The following MAPKBP1 variants were observed in gnomAD, a reference collection of about 807,000 sequenced individuals.
MAPKBP1 encodes mitogen-activated protein kinase binding protein 1.
In MAPKBP1, 71 loss-of-function variants were observed where a neutral mutation model predicts 170.5. The ratio of observed to expected loss-of-function variants is 0.42; its 90% CI spans 0.34 to 0.51. The LOEUF (loss-of-function observed/expected upper bound fraction) is 0.51, where lower values mean the gene tolerates loss of function less well. Among genes scored for constraint, MAPKBP1 ranks in the 20% least tolerant of loss-of-function variants. MAPKBP1 has a pLI of 0.06. For synonymous variants in MAPKBP1, 719 were observed against 757.9 expected (o/e 0.95, Z 0.84); for missense variants, 1,598 against 1,933.0 (o/e 0.83, Z 3.25).
At chr15:41,809,305 AGAG>A (rs1339767237) in intron 3 of MAPKBP1, among the ~76,000 whole-genome samples, 1 of 152,136 alleles carries the variant, frequency 6.6e-6, no homozygotes, top group Non-Finnish European at 1.5e-5. Context: ...TTGAGGGGTT[AGAG>A]GAGAAAATGA....
At position 41,811,291 on chromosome 15, in the gene MAPKBP1, G is replaced by C. The variant is rs549936123; in HGVS notation, c.327+56G>C. On this transcript the variant is annotated intron_variant, in intron 5 of 30. Transcript: ENST00000457542. ...AAAGAGGGCAGGTGTCCTGGCCTCCGCAGAGAGCTGCGGTCCTAGGCCTGC... is the reference window on the plus strand; with the variant it reads ...AAAGAGGGCAGGTGTCCTGGCCTCCCCAGAGAGCTGCGGTCCTAGGCCTGC... 39 of 1,588,708 alleles carry C rather than the reference G, an allele frequency of 2.5e-5. No homozygotes were observed. In the East Asian group the frequency reaches 8.0e-4, roughly 33 times the overall value.
chr15:41,788,796 T>C (rs1211948855), intron 2 of MAPKBP1, among the ~76,000 whole-genome samples: 1 of 151,826 alleles, frequency 6.6e-6, no homozygotes, highest in Admixed American at 6.6e-5. Context: ...CAGGAAGGAG[T>C]GACTGAAAAA....
chr15:41,783,654 A>G (rs2064228151), intron 2 of MAPKBP1, among the ~76,000 whole-genome samples: 1 of 152,214 alleles, frequency 6.6e-6, no homozygotes, highest in Admixed American at 6.5e-5. Context: ...GGGAGCCCCA[A>G]GCCAGATGGA....
intron 3 of MAPKBP1, among the ~76,000 whole-genome samples, chr15:41,802,296 T>C (rs1246266211): frequency 6.6e-6 from 1 of 152,228 alleles, no homozygotes; most frequent in Non-Finnish European, 1.5e-5. Context: ...CTGTACACTT[T>C]ACAAACACTG....
Position 41,824,589 on chromosome 15 carries a change from CG to C in MAPKBP1, c.4299+22del, listed in dbSNP as rs779140413. The C allele has an allele frequency of 6.3e-7, 1 of 1,575,548 alleles. No individual in the cohort carries two copies. Among genetic ancestry groups the C allele is most frequent in the Non-Finnish European group, 8.6e-7 (1 of 1,163,382 alleles). ...CACTCGGTGGGTGTTAGGTGCCCCC[CG>C]GCAGGAAGGCGGGCACGTCAGTAGT... On this transcript the variant is annotated intron_variant, in intron 30 of 30. Coordinates refer to ENST00000457542, the MANE Select transcript of MAPKBP1 (RefSeq NM_014994.3).
intron 2 of MAPKBP1, among the ~76,000 whole-genome samples, chr15:41,781,230 C>A (rs2064181882): frequency 6.6e-6 from 1 of 152,016 alleles, no homozygotes; most frequent in South Asian, 2.1e-4. Flanking sequence ...CATGTGCCAC[C>A]ATGCCTGGCT....
intron 26 of MAPKBP1, 26 bp from the exon 27 acceptor site, chr15:41,822,567 A>G (rs765535967): frequency 6.8e-6 from 11 of 1,613,038 alleles, no homozygotes; most frequent in South Asian, 4.4e-5. Flanking sequence ...TTTTGCCCCA[A>G]TTCATGATTT....
chr15:41,815,043 A>G (rs1343368438), intron 10 of MAPKBP1, among the ~76,000 whole-genome samples: 4 of 152,206 alleles, frequency 2.6e-5, no homozygotes, highest in South Asian at 2.1e-4. Context: ...AAATGAAATA[A>G]TGTAAGTGGG....
At position 41,818,308 on chromosome 15, in the gene MAPKBP1, G is replaced by A. The variant is rs1466496762; in HGVS notation, c.2092+3G>A. ...GGCCACCATGTTTGGCCACTCAGGT[G>A]AGTGTAGCCTGAATCCCCGAGTAGA... On this transcript the variant is annotated splice_donor_region_variant and intron_variant, in intron 18 of 30. Transcript: ENST00000457542. This position sits in a 1 kb window ranked among gnomAD's most constrained non-coding sequence, Gnocchi z 5.2. 1 of 1,611,076 alleles carries A rather than the reference G, an allele frequency of 6.2e-7. No individual in the cohort carries two copies. The highest frequency in any genetic ancestry group is 1.3e-5 in the African/African-American group (1 of 74,858).
chr15:41,779,480 A>G (rs1003584422), intron 2 of MAPKBP1, among the ~76,000 whole-genome samples: 5 of 152,166 alleles, frequency 3.3e-5, no homozygotes, highest in African/African-American at 1.2e-4. Flanking sequence ...AAGTGCTGGG[A>G]TTACAGGTAT....
intron 3 of MAPKBP1, among the ~76,000 whole-genome samples, chr15:41,805,794 TAG>T (rs956558266): frequency 1.3e-5 from 2 of 152,190 alleles, no homozygotes; most frequent in African/African-American, 4.8e-5. Context: ...CCAGGGACAG[TAG>T]AGAGACCAGG....
At chr15:41,785,427 T>C (rs2064267462) in intron 2 of MAPKBP1, among the ~76,000 whole-genome samples, 3 of 152,314 alleles carry the variant, frequency 2.0e-5, no homozygotes, top group Middle Eastern at 6.8e-3. Flanking sequence ...TTTTTTAAAA[T>C]GTCAAACCAG....
chr15:41,786,177 T>C (rs1459286702), intron 2 of MAPKBP1, among the ~76,000 whole-genome samples: 2 of 152,206 alleles, frequency 1.3e-5, no homozygotes, highest in African/African-American at 4.8e-5. Context: ...CATATATATA[T>C]GTTAGTATAT....
chr15:41,777,167 C>A (rs1197349344), intron 2 of MAPKBP1, among the ~76,000 whole-genome samples: 1 of 152,004 alleles, frequency 6.6e-6, no homozygotes, highest in Non-Finnish European at 1.5e-5. Flanking sequence ...ATGGTGAAAC[C>A]TCATCTCTAC....
intron 2 of MAPKBP1, 33 bp from the exon 3 acceptor site, chr15:41,799,790 C>T: frequency 1.3e-6 from 2 of 1,570,150 alleles, no homozygotes; most frequent in Non-Finnish European, 1.8e-6. Flanking sequence ...CACACTCTGT[C>T]TGTAACATGT....
At chr15:41,793,479 AT>A (rs1449760782) in intron 2 of MAPKBP1, among the ~76,000 whole-genome samples, 1 of 152,238 alleles carries the variant, frequency 6.6e-6, no homozygotes, top group Non-Finnish European at 1.5e-5. Flanking sequence ...TCTCAAAAAA[AT>A]AAATAAAAAT....
rs371094728 is a variant in MAPKBP1, at chr15:41,775,359, A to C, written c.84A>C (p.Ala28=). ...CCATCAAACTGCGCAGGAGTAAGGC[A>C]GGAAACCGACGAGAGGACCTCAGCT... ...SPSIKLRRSK[A]GNRREDLSSK... is the part of the protein sequence containing the mutation. The change falls in exon 2 of 31, where the codon GCA becomes GCC. Residue 28 remains alanine, a synonymous_variant. Transcript: ENST00000457542. 9.3e-6 allele frequency: 15 copies of C among 1,614,094 alleles called. No individual in the cohort carries two copies. Among genetic ancestry groups the C allele is most frequent in the Non-Finnish European group, 1.3e-5 (15 of 1,180,044 alleles).
intron 2 of MAPKBP1, among the ~76,000 whole-genome samples, chr15:41,786,775 A>ATATATATATATAT (rs1402898570): frequency 4.0e-4 from 5 of 12,446 alleles, no homozygotes; most frequent in East Asian, 3.2e-3. Context: ...AAAAAAAAAA[A>ATATATATATATAT]AAATATATAT....
In MAPKBP1 at chr15:41,816,275, C is replaced by T. The variant is rs2064889516; in HGVS notation, c.1494-284C>T. On this transcript the variant is annotated intron_variant, in intron 12 of 30. Transcript: ENST00000457542. ...TAGGATCTAGAGTCAAGAAAAAGGA[C>T]ATAGTAGGAAAACTGGTGAAATTTG... The T allele has an allele frequency of 8.8e-6, 4 of 454,336 alleles. No homozygotes were observed. The South Asian group carries it at 1.4e-4, about 16-fold the overall frequency. The allele number at this position is 454,336 out of a possible 1,614,324, so 28.1% of individuals were successfully genotyped here. A position where few individuals can be genotyped will look rare whatever the true frequency, so the allele number is the denominator to read the frequency against.
Sources: gnomAD v4.1 joint callset for allele counts (sites outside exome capture counted in the v4.1 genomes callset) on GRCh38, gnomAD v4.1.1 for gene constraint, Gnocchi (gnomAD v3.1) non-coding constraint, MANE v1.5 for transcripts, NCBI Gene and HGNC (gene_info 2026-07-23, HGNC 2026-07-21) for gene names.